CDH18: variants seen among roughly 807,000 people sequenced by gnomAD.
CDH18 encodes cadherin 18.
A neutral mutation model predicts 67.9 loss-of-function variants in CDH18; 31 were observed. That is an observed-to-expected ratio of 0.46 (90% CI 0.34 to 0.62). The LOEUF (loss-of-function observed/expected upper bound fraction) is 0.62. Among genes scored for constraint, CDH18 ranks in the 20% least tolerant of loss-of-function variants. The probability of loss-of-function intolerance (pLI) is 0.01; values close to 1 mark genes in which losing one functional copy is unlikely to be tolerated. For synonymous variants in CDH18, 362 were observed against 347.2 expected (o/e 1.04, Z -0.48); for missense variants, 890 against 975.5 (o/e 0.91, Z 1.17).
intron 2 of CDH18, among the ~76,000 whole-genome samples, chr5:20,101,696 C>T (rs1336831733): frequency 6.6e-6 from 1 of 152,128 alleles, no homozygotes; most frequent in African/African-American, 2.4e-5. Context: ...CAGACTAAAC[C>T]ATAGAGGTAT....
chr5:20,113,717 T>C (rs1421526751), intron 2 of CDH18, among the ~76,000 whole-genome samples: 2 of 152,168 alleles, frequency 1.3e-5, no homozygotes, highest in East Asian at 3.8e-4. Flanking sequence ...GAAATAAGAA[T>C]ATAAGTAAAA....
intron 12 of CDH18, among the ~76,000 whole-genome samples, chr5:19,479,146 T>A (rs1738979186): frequency 6.6e-6 from 1 of 152,110 alleles, no homozygotes; most frequent in South Asian, 2.1e-4. Context: ...TCTCACAGGT[T>A]TAGAAATAGA....
chr5:20,361,678 A>C (rs1317850947), intron 1 of CDH18, among the ~76,000 whole-genome samples: 2 of 152,098 alleles, frequency 1.3e-5, no homozygotes, highest in East Asian at 3.9e-4. Flanking sequence ...TACTGAAATC[A>C]AGGGCCTAAA....
chr5:19,490,405 T>G (rs1273040492), intron 11 of CDH18, among the ~76,000 whole-genome samples: 22 of 119,038 alleles, frequency 1.8e-4, no homozygotes, highest in African/African-American at 5.5e-4. Flanking sequence ...TTTTTTTTTT[T>G]TTTTTTTTTT....
At chr5:20,346,026 A>G (rs565363785) in intron 1 of CDH18, among the ~76,000 whole-genome samples, 24 of 152,282 alleles carry the variant, frequency 1.6e-4, no homozygotes, top group South Asian at 6.2e-4. Flanking sequence ...GCTAAATATG[A>G]TTAATATATT....
At chr5:20,123,882 G>A (rs1234833594) in intron 2 of CDH18, among the ~76,000 whole-genome samples, 5 of 69,334 alleles carry the variant, frequency 7.2e-5, no homozygotes, top group Admixed American at 2.0e-4. Context: ...GCGAGACTCC[G>A]TCTCAAAAAA....
At chr5:19,493,852 A>T (rs1044276868) in intron 11 of CDH18, among the ~76,000 whole-genome samples, 4 of 152,148 alleles carry the variant, frequency 2.6e-5, no homozygotes, top group Non-Finnish European at 5.9e-5. Context: ...TACATAGTCA[A>T]TATTGAAAAA....
At chr5:20,286,074 T>C (rs1746675081) in intron 1 of CDH18, among the ~76,000 whole-genome samples, 1 of 151,594 alleles carries the variant, frequency 6.6e-6, no homozygotes, top group Non-Finnish European at 1.5e-5. Context: ...GGATAAAAGT[T>C]TATGCTACGG....
chr5:19,880,941 T>G (rs1787575918), intron 2 of CDH18, among the ~76,000 whole-genome samples: 1 of 152,194 alleles, frequency 6.6e-6, no homozygotes, highest in Admixed American at 6.5e-5. Flanking sequence ...CTGTAATTGT[T>G]GACACTGCAA....
At chr5:20,113,409 AAT>A (rs1479661407) in intron 2 of CDH18, among the ~76,000 whole-genome samples, 1 of 152,148 alleles carries the variant, frequency 6.6e-6, no homozygotes, top group African/African-American at 2.4e-5. Flanking sequence ...TTTTATATTC[AAT>A]ACATGCATTT....
At chr5:19,645,976 T>C (rs2150243897) in intron 5 of CDH18, among the ~76,000 whole-genome samples, 1 of 152,218 alleles carries the variant, frequency 6.6e-6, no homozygotes, top group Non-Finnish European at 1.5e-5. Context: ...GAATACAATA[T>C]ATGGAAGCAA....
intron 5 of CDH18, among the ~76,000 whole-genome samples, chr5:19,687,099 G>C (rs1408928805): frequency 2.6e-5 from 4 of 152,170 alleles, no homozygotes; most frequent in Non-Finnish European, 5.9e-5. Context: ...GCTGTGATCA[G>C]CTGGGAGCCT....
At chr5:19,830,900 G>A (rs918249819) in intron 3 of CDH18, among the ~76,000 whole-genome samples, 4 of 152,016 alleles carry the variant, frequency 2.6e-5, no homozygotes, top group African/African-American at 9.7e-5. Context: ...ATGGATAGAG[G>A]TGGAGGCCAT....
chr5:20,111,525 CCCTTCCTT>C (rs201987160), intron 2 of CDH18, among the ~76,000 whole-genome samples: 1 of 122,354 alleles, frequency 8.2e-6, no homozygotes, highest in Non-Finnish European at 1.7e-5. Context: ...CTCCCTCCCT[CCCTTCCTT>C]CCTTCCTTCT....
At chr5:19,980,702 A>C (rs1222127923) in intron 2 of CDH18, among the ~76,000 whole-genome samples, 1 of 151,988 alleles carries the variant, frequency 6.6e-6, no homozygotes, top group African/African-American at 2.4e-5. Context: ...CAGTCTCTTC[A>C]CTTTAAGTGC....
chr5:19,802,849 A>G (rs1156892667), intron 3 of CDH18, among the ~76,000 whole-genome samples: 1 of 152,228 alleles, frequency 6.6e-6, no homozygotes, highest in Admixed American at 6.5e-5. Flanking sequence ...ATCAAGAACA[A>G]AGAAGTAGCA....
intron 11 of CDH18, among the ~76,000 whole-genome samples, chr5:19,501,655 A>G (rs1743272315): frequency 6.6e-6 from 1 of 152,114 alleles, no homozygotes; most frequent in Non-Finnish European, 1.5e-5. Context: ...TTTTCATTGT[A>G]ATGTTATCAA....
intron 9 of CDH18, among the ~76,000 whole-genome samples, chr5:19,531,435 G>GA (rs1313343243): frequency 6.6e-6 from 1 of 151,988 alleles, no homozygotes; most frequent in African/African-American, 2.4e-5. Flanking sequence ...GAATGACGGG[G>GA]AAAAATACCC....
At chr5:20,276,637 G>C (rs780676836) in intron 1 of CDH18, among the ~76,000 whole-genome samples, 2 of 152,176 alleles carry the variant, frequency 1.3e-5, no homozygotes, top group African/African-American at 2.4e-5. Flanking sequence ...AAAAGGAGAG[G>C]AAAGAGTAAA....
Sources: gnomAD v4.1 joint callset for allele counts (sites outside exome capture counted in the v4.1 genomes callset) on GRCh38, gnomAD v4.1.1 for gene constraint, MANE v1.5 for transcripts, NCBI Gene and HGNC (gene_info 2026-07-23, HGNC 2026-07-21) for gene names.